GRB10: variants seen among roughly 807,000 people sequenced by gnomAD.
GRB10 encodes the protein growth factor receptor bound protein 10.
A neutral mutation model predicts 80.9 loss-of-function variants in GRB10; 20 were observed. That is an observed-to-expected ratio of 0.25 (90% CI 0.17 to 0.36). The LOEUF is 0.36. Among genes scored for constraint, GRB10 ranks in the 10% least tolerant of loss-of-function variants. The pLI is 1.00. For synonymous variants in GRB10, 291 were observed against 291.5 expected (o/e 1.00, Z 0.02); for missense variants, 548 against 747.7 (o/e 0.73, Z 3.12).
At chr7:50,763,049 C>T (rs2075932956) in intron 2 of GRB10, among the ~76,000 whole-genome samples, 1 of 150,386 alleles carries the variant, frequency 6.6e-6, no homozygotes, top group African/African-American at 2.5e-5. Context: ...ACCTGGGAGG[C>T]GGAGCTTGCA....
chr7:50,715,148 G>A (rs1399163232), intron 4 of GRB10, among the ~76,000 whole-genome samples: 3 of 151,586 alleles, frequency 2.0e-5, no homozygotes, highest in Non-Finnish European at 2.9e-5. Flanking sequence ...AGCTGGAGGC[G>A]GAATGAGGTA....
At chr7:50,766,790 AGAT>A (rs1299551477) in intron 2 of GRB10, among the ~76,000 whole-genome samples, 8 of 152,212 alleles carry the variant, frequency 5.3e-5, no homozygotes, top group Admixed American at 2.0e-4. Context: ...TCTATTCTAA[AGAT>A]GATGATATCT....
intron 6 of GRB10, among the ~76,000 whole-genome samples, chr7:50,673,784 G>T (rs1463010835): frequency 6.6e-6 from 1 of 152,044 alleles, no homozygotes; most frequent in Non-Finnish European, 1.5e-5. Flanking sequence ...CCTGAAAAAG[G>T]CACACAAAGT....
chr7:50,661,118 G>A (rs1324373497), intron 7 of GRB10, among the ~76,000 whole-genome samples: 3 of 152,246 alleles, frequency 2.0e-5, no homozygotes, highest in Non-Finnish European at 4.4e-5. Flanking sequence ...CACATTTGCA[G>A]GAGAGAGCAT....
chr7:50,789,834 T>TTTTTGATAACCCCAGGA (rs1428176235), intron 1 of GRB10, among the ~76,000 whole-genome samples: 1 of 152,236 alleles, frequency 6.6e-6, no homozygotes, highest in Non-Finnish European at 1.5e-5. Flanking sequence ...TCTGAGATTA[T>TTTTTGATAACCCCAGGA]TTTTGATAAC....
At chr7:50,647,597 T>C (rs967277929) in intron 7 of GRB10, among the ~76,000 whole-genome samples, 18 of 152,174 alleles carry the variant, frequency 1.2e-4, no homozygotes, top group Non-Finnish European at 1.9e-4. Flanking sequence ...AATTCAGAGA[T>C]TGTTAGATGG....
chr7:50,670,939 G>A (rs541882173), intron 6 of GRB10, among the ~76,000 whole-genome samples: 2 of 151,998 alleles, frequency 1.3e-5, no homozygotes, highest in Non-Finnish European at 1.5e-5. Context: ...CATCTCCAGG[G>A]GCATCTGTTC....
At chr7:50,742,731 G>A (rs1413708986) in intron 3 of GRB10, among the ~76,000 whole-genome samples, 1 of 152,102 alleles carries the variant, frequency 6.6e-6, no homozygotes, top group African/African-American at 2.4e-5. Context: ...TCGGGGATGG[G>A]GAGGGGGTGG....
At chr7:50,690,711 C>T (rs912312798) in intron 5 of GRB10, among the ~76,000 whole-genome samples, 2 of 152,274 alleles carry the variant, frequency 1.3e-5, no homozygotes, top group African/African-American at 4.8e-5. Context: ...AGGGAAACTG[C>T]GGAGCAACGG....
At chr7:50,734,674 A>T (rs1422233947) in intron 3 of GRB10, among the ~76,000 whole-genome samples, 1 of 152,238 alleles carries the variant, frequency 6.6e-6, no homozygotes, top group Non-Finnish European at 1.5e-5. Flanking sequence ...TTATTACCTA[A>T]ATATCACCTT....
chr7:50,774,491 C>T (rs1462211411), intron 2 of GRB10, among the ~76,000 whole-genome samples: 1 of 152,190 alleles, frequency 6.6e-6, no homozygotes, highest in Non-Finnish European at 1.5e-5. Flanking sequence ...TGTGCCCTCA[C>T]ATGGCAGAAT....
intron 3 of GRB10, among the ~76,000 whole-genome samples, chr7:50,733,581 G>A (rs996646132): frequency 6.6e-6 from 1 of 152,198 alleles, no homozygotes; most frequent in Non-Finnish European, 1.5e-5. Context: ...GGAAGTACTG[G>A]CACAATGAAG....
intron 7 of GRB10, among the ~76,000 whole-genome samples, chr7:50,662,756 G>C (rs76849341): frequency 0.035 from 5,331 of 152,294 alleles, 182 homozygotes; most frequent in East Asian, 0.15. Flanking sequence ...ACCACCAACG[G>C]ATGCTAAAAA....
At chr7:50,608,662 A>G (rs1028857431) in intron 13 of GRB10, among the ~76,000 whole-genome samples, 9 of 152,192 alleles carry the variant, frequency 5.9e-5, no homozygotes, top group South Asian at 2.1e-4. Context: ...AAAGATTTTA[A>G]TAAGTTCAAG....
At chr7:50,769,067 T>C (rs1281112191) in intron 2 of GRB10, among the ~76,000 whole-genome samples, 1 of 152,090 alleles carries the variant, frequency 6.6e-6, no homozygotes, top group Admixed American at 6.5e-5. Context: ...GGGGAATCCA[T>C]CTTAAAGCAT....
At chr7:50,751,960 T>C (rs1198622271) in intron 3 of GRB10, among the ~76,000 whole-genome samples, 1 of 152,222 alleles carries the variant, frequency 6.6e-6, no homozygotes, top group Non-Finnish European at 1.5e-5. Context: ...CCTCTTTTTA[T>C]GTGTTTCTGT....
intron 7 of GRB10, among the ~76,000 whole-genome samples, chr7:50,642,459 T>C (rs113577553): frequency 0.02 from 2,997 of 151,756 alleles, 114 homozygotes; most frequent in African/African-American, 0.069. Context: ...ACATGCTTCA[T>C]ACATACATAT....
intron 4 of GRB10, chr7:50,727,971 T>G (rs2068926804): frequency 6.6e-6 from 1 of 152,176 alleles, no homozygotes. Context: ...CACTGCCTGT[T>G]TTACCTCACA....
chr7:50,618,941 T>C (rs2051145977), intron 9 of GRB10, among the ~76,000 whole-genome samples: 1 of 152,200 alleles, frequency 6.6e-6, no homozygotes, highest in Admixed American at 6.5e-5. Flanking sequence ...TTACACTGTG[T>C]CTATGTGAAG....
Sources: allele counts gnomAD v4.1 joint callset (sites outside exome capture counted in the v4.1 genomes callset), GRCh38; gene constraint gnomAD v4.1.1; transcripts MANE v1.5; gene names NCBI Gene and HGNC (gene_info 2026-07-23, HGNC 2026-07-21).